SMARCA1: variants seen among roughly 807,000 people sequenced by gnomAD.
SMARCA1 encodes SWI/SNF-related matrix-associated actin-dependent regulator of chromatin subfamily A member 1.
In SMARCA1, 17 loss-of-function variants were observed where a neutral mutation model predicts 93.6. The ratio of observed to expected loss-of-function variants is 0.18; its 90% confidence interval spans 0.12 to 0.27. The LOEUF is 0.27. Among genes scored for constraint, SMARCA1 ranks in the 10% least tolerant of loss-of-function variants. SMARCA1 has a pLI of 1.00. For synonymous variants in SMARCA1, 271 were observed against 271.4 expected (o/e 1.00, Z 0.01); for missense variants, 630 against 819.0 (o/e 0.77, Z 2.82).
chrX:129,483,790 T>C (rs747610821), intron 17 of SMARCA1, among the ~76,000 whole-genome samples: 5 of 112,315 alleles, frequency 4.5e-5, no homozygotes, highest in African/African-American at 1.6e-4. Flanking sequence ...ACAGCCATCA[T>C]GATTTAATTT....
At chrX:129,456,721 C>T (rs1932644350) in intron 23 of SMARCA1, among the ~76,000 whole-genome samples, 1 of 111,646 alleles carries the variant, frequency 9.0e-6, no homozygotes, top group Admixed American at 9.6e-5. Flanking sequence ...AGCAAGAGAA[C>T]TAGAATTAGA....
At chrX:129,502,285 G>C (rs980382052) in intron 9 of SMARCA1, among the ~76,000 whole-genome samples, 1 of 111,379 alleles carries the variant, frequency 9.0e-6, no homozygotes, top group Admixed American at 9.6e-5. Flanking sequence ...GAGCATGTAC[G>C]AAAGTCAAAG....
At chrX:129,522,908 G>A (rs1193906847) in intron 1 of SMARCA1, among the ~76,000 whole-genome samples, 4 of 111,139 alleles carry the variant, frequency 3.6e-5, no homozygotes, top group African/African-American at 1.3e-4. Context: ...GGAGGGGGTC[G>A]GGGGCTGTCG....
intron 11 of SMARCA1, among the ~76,000 whole-genome samples, chrX:129,497,359 C>G (rs1042980653): frequency 9.0e-6 from 1 of 111,625 alleles, no homozygotes. Context: ...AAAGTCCTAA[C>G]TCCTTAAGGC....
At chrX:129,521,410 A>T (rs1014119046) in intron 1 of SMARCA1, among the ~76,000 whole-genome samples, 2 of 112,021 alleles carry the variant, frequency 1.8e-5, no homozygotes, top group African/African-American at 6.5e-5. Flanking sequence ...TTAAAAATAA[A>T]AATGGATATC....
intron 19 of SMARCA1, among the ~76,000 whole-genome samples, chrX:129,476,892 C>CA (rs763532963): frequency 1.8e-5 from 2 of 111,625 alleles, no homozygotes; most frequent in East Asian, 2.8e-4. Flanking sequence ...TGAACTCAAA[C>CA]AAAAAACCAC....
chrX:129,448,554 A>G (rs753948850), intron 23 of SMARCA1, 111 bp from the exon 24 acceptor site: 34 of 657,360 alleles, frequency 5.2e-5, no homozygotes, highest in Middle Eastern at 4.9e-4. Flanking sequence ...CAAAACTGCT[A>G]TTTTTCAGGA....
Position 129,514,691 on chromosome X carries a change from A to C in SMARCA1, c.630+996T>G, listed in dbSNP as rs188136937. On this transcript the variant is annotated intron_variant, in intron 5 of 24. Transcript: ENST00000371121. The stretch of plus-strand genomic sequence containing the variant: ...ATAGAAATAAAGAGACGACAAGGAA[A>C]GTAAGAAAGACAAGTAGATAAAGAA... 1.9e-4 allele frequency among the ~76,000 whole-genome samples: 21 copies of C among 112,085 alleles called. No homozygotes were observed. The East Asian group carries it at 5.3e-3, about 28-fold the overall frequency.
intron 11 of SMARCA1, 116 bp from the exon 12 acceptor site, chrX:129,496,987 A>C (rs962555260): frequency 1.3e-4 from 70 of 532,416 alleles, no homozygotes; most frequent in Non-Finnish European, 2.0e-4. Flanking sequence ...CCACTAACGC[A>C]CACACACACG....
chrX:129,501,620 G>C (rs1213951636), intron 9 of SMARCA1, among the ~76,000 whole-genome samples: 1 of 100,757 alleles, frequency 9.9e-6, no homozygotes, highest in African/African-American at 3.7e-5. Flanking sequence ...TGGGGGGGGA[G>C]GTGGGGTGGA....
At position 129,479,760 on chromosome X, in the gene SMARCA1, C is replaced by T. The variant is rs747017051; in HGVS notation, c.2442+941G>A. Among the ~76,000 whole-genome samples, 138 of 108,413 alleles carry T rather than the reference C, an allele frequency of 1.3e-3. No individual in the cohort carries two copies. In the Middle Eastern group the frequency reaches 0.019, roughly 15 times the overall value. The allele number at this position is 108,413 out of a possible 115,157, so 94.1% of individuals were successfully genotyped here. On this transcript the variant is annotated intron_variant, in intron 19 of 24. Transcript: ENST00000371121. ...TCGCCCAGGCTGGAGTGCAGTGGCGCGATCTCAGCTCACTGCAACCTTCAC... is the reference window on the plus strand; with the variant it reads ...TCGCCCAGGCTGGAGTGCAGTGGCGTGATCTCAGCTCACTGCAACCTTCAC...
intron 10 of SMARCA1, among the ~76,000 whole-genome samples, chrX:129,498,536 T>C (rs1235920376): frequency 2.7e-5 from 3 of 111,825 alleles, no homozygotes; most frequent in Non-Finnish European, 3.8e-5. Flanking sequence ...TATGTAATTA[T>C]AATAATTATC....
At chrX:129,466,217 C>T (rs1335035333) in intron 21 of SMARCA1, among the ~76,000 whole-genome samples, 1 of 111,347 alleles carries the variant, frequency 9.0e-6, no homozygotes, top group Non-Finnish European at 1.9e-5. Flanking sequence ...ACGATCCATC[C>T]CAAATGACTA....
At chrX:129,455,543 C>T (rs1262047875) in intron 23 of SMARCA1, among the ~76,000 whole-genome samples, 1 of 109,919 alleles carries the variant, frequency 9.1e-6, no homozygotes. Flanking sequence ...CACCATGGCA[C>T]GTGTATACCT....
chrX:129,459,914 C>T (rs1200522248), intron 23 of SMARCA1, among the ~76,000 whole-genome samples: 1 of 111,552 alleles, frequency 9.0e-6, no homozygotes, highest in Admixed American at 9.5e-5. Flanking sequence ...CTTTGGGAGG[C>T]CGAGGCAGGA....
chrX:129,501,270 AC>A, intron 9 of SMARCA1, among the ~76,000 whole-genome samples: 1 of 108,618 alleles, frequency 9.2e-6, no homozygotes, highest in East Asian at 2.9e-4. Flanking sequence ...TCATCCAAAA[AC>A]AAATATATGA....
intron 10 of SMARCA1, among the ~76,000 whole-genome samples, chrX:129,498,802 A>G (rs1329437685): frequency 8.9e-6 from 1 of 111,798 alleles, no homozygotes; most frequent in Non-Finnish European, 1.9e-5. Flanking sequence ...AAGAAATCAT[A>G]TATTTTATAC....
Position 129,523,265 on chromosome X carries a change from C to T in SMARCA1, c.106G>A (p.Glu36Lys). 1 of 1,211,011 alleles carries T rather than the reference C, an allele frequency of 8.3e-7. No homozygotes were observed. Among genetic ancestry groups the T allele is most frequent in the Non-Finnish European group, 1.1e-6 (1 of 895,246 alleles). The change falls in exon 1 of 25, where the codon GAG becomes AAG. Residue 36 changes from glutamate to lysine, a missense_variant. Coordinates refer to ENST00000371121, the MANE Select transcript of SMARCA1 (RefSeq NM_001282874.2). ...GTGGCCGCGGCGGCCGCTCCCTCCT[C>T]CTGAGAGGTGGACGGCCCGGGCTGC... ...DEQPGPSTSQEEGAAAAATEA... is the reference protein window; with the variant it reads ...DEQPGPSTSQKEGAAAAATEA...
chrX:129,523,425 C>T lies in SMARCA1; in HGVS notation c.-55G>A, dbSNP rs1935498761. The T allele has an allele frequency of 1.7e-5, 17 of 1,020,103 alleles. No homozygotes were observed. The highest frequency in any genetic ancestry group is 2.2e-5 in the Non-Finnish European group (17 of 761,612). The allele number at this position is 1,020,103 out of a possible 1,213,427, so 84.1% of individuals were successfully genotyped here. On this transcript the variant is annotated 5_prime_UTR_variant, in exon 1 of 25. Transcript: ENST00000371121. ...AAGGCAGGGGACGAGGGCTCCTGGGCGGCGGCAGTGGCTGCACTGGAAAGA... is the reference window on the plus strand; with the variant it reads ...AAGGCAGGGGACGAGGGCTCCTGGGTGGCGGCAGTGGCTGCACTGGAAAGA...
Sources: gnomAD v4.1 joint callset for allele counts (sites outside exome capture counted in the v4.1 genomes callset) on GRCh38, gnomAD v4.1.1 for gene constraint, MANE v1.5 for transcripts, NCBI Gene and HGNC (gene_info 2026-07-23, HGNC 2026-07-21) for gene names.